Variants in N4BP2 observed in about 807,000 individuals in gnomAD.
The protein encoded by N4BP2 is NEDD4 binding protein 2, also known as NEDD4-binding protein 2.
N4BP2 carries 91 observed loss-of-function variants against 152.8 expected under a neutral mutation model. That is an observed-to-expected ratio of 0.60 (90% CI 0.50 to 0.71). The LOEUF is 0.71. Among genes scored for constraint, N4BP2 ranks in the 30% least tolerant of loss-of-function variants. N4BP2 has a pLI of 0.00. For missense variants in N4BP2, 1,923 were observed against 2,059.1 expected (o/e 0.93, Z 1.28); for synonymous variants, 646 against 705.3 (o/e 0.92, Z 1.33).
chr4:40,093,922 A>T (rs537969806), intron 2 of N4BP2, among the ~76,000 whole-genome samples: 2 of 152,068 alleles, frequency 1.3e-5, no homozygotes, highest in South Asian at 4.2e-4. Context: ...TTTAGTAGAG[A>T]TGGGGTTTTA....
At position 40,123,179 on chromosome 4, in the gene N4BP2, A is replaced by G; in HGVS notation, c.4251A>G (p.Lys1417=). ...TTCATATAGATCTGAATCTGGCGAA[A>G]GTGATTCATGAGAAATGGAAAGAAT... ...CVVHIDLNLA[K]VIHEKWKESV... The change falls in exon 10 of 18, where the codon AAA becomes AAG. Residue 1417 remains lysine, a synonymous_variant. Transcript: ENST00000261435. 6.2e-7 allele frequency: 1 copy of G among 1,612,994 alleles called. No individual in the cohort carries two copies. Among genetic ancestry groups the G allele is most frequent in the Non-Finnish European group, 8.5e-7 (1 of 1,179,136 alleles).
intron 1 of N4BP2, among the ~76,000 whole-genome samples, chr4:40,060,694 T>C (rs794030): frequency 1 from 151,710 of 151,756 alleles, 75,832 homozygotes; most frequent in Middle Eastern, 1. Context: ...CCTTGAATTC[T>C]TGGGCTCAAG....
At position 40,102,717 on chromosome 4, in the gene N4BP2, C is replaced by T. The variant is rs757089118; in HGVS notation, c.872C>T (p.Pro291Leu). The change falls in exon 4 of 18, where the codon CCT becomes CTT. Residue 291 changes from proline (P) to leucine (L), a missense_variant. Coordinates refer to ENST00000261435, the MANE Select transcript of N4BP2 (RefSeq NM_018177.6). ...CCTGTAGATTTGGATGCCAGTGAAC[C>T]TCAGGCTTGTTTAAACCTTCCAGGG... ...EAPVDLDASE[P>L]QACLNLPGLD... 1.2e-6 allele frequency: 2 copies of T among 1,614,062 alleles called. No homozygotes were observed. The highest frequency in any genetic ancestry group is 1.7e-6 in the Non-Finnish European group (2 of 1,180,040).
chr4:40,173,965 T>C, the N4BP2 span, among the ~76,000 whole-genome samples: 1 of 152,142 alleles, frequency 6.6e-6, no homozygotes, highest in Non-Finnish European at 1.5e-5. Flanking sequence ...TATTTCTAAT[T>C]ATAAAAGTAA....
In N4BP2 at chr4:40,136,978, T is replaced by G; in HGVS notation, c.4681T>G (p.Cys1561Gly). 6.2e-7 allele frequency: 1 copy of G among 1,613,344 alleles called. No individual in the cohort carries two copies. The highest frequency in any genetic ancestry group is 8.5e-7 in the Non-Finnish European group (1 of 1,179,490). ...SLEHTVQFLN[C>G]VLEGDPVKTV... ...AGAACACACAGTGCAATTTCTTAAC[T>G]GTGTTCTTGAAGGGGACCCTGTAAA... The change falls in exon 14 of 18, where the codon TGT (cysteine) becomes GGT (glycine). Residue 1561 changes from cysteine (C) to glycine (G), a missense_variant. Cys to Gly is a radical substitution (Grantham distance 159, BLOSUM62 -3). Transcript: ENST00000261435.
intron 17 of N4BP2, among the ~76,000 whole-genome samples, 155 bp from the exon 18 acceptor site, chr4:40,154,037 C>G (rs1560652380): frequency 6.6e-6 from 1 of 152,092 alleles, no homozygotes; most frequent in Non-Finnish European, 1.5e-5. Flanking sequence ...GGAACACAAA[C>G]CTAGATGTTG....
At position 40,120,387 on chromosome 4, in the gene N4BP2, G is replaced by A; in HGVS notation, c.2276G>A (p.Arg759Lys). ...TCACCTGGTGAAATAGTGGAAGAAA[G>A]AGCAACAGTAACGAAAAAAGCCTTT... The part of the protein sequence containing the change: ...KSSPGEIVEE[R>K]ATVTKKAFGK... Residue 759 changes from arginine (R) to lysine (K), a missense_variant, in exon 9 of 18, where the codon AGA (arginine) becomes AAA (lysine). By Grantham distance (26) the Arg-to-Lys change is conservative (BLOSUM62 2). Transcript: ENST00000261435. The A allele has an allele frequency of 1.2e-6, 2 of 1,613,776 alleles. No individual in the cohort carries two copies.
intron 1 of N4BP2, among the ~76,000 whole-genome samples, chr4:40,057,956 A>G (rs1733354625): frequency 6.6e-6 from 1 of 152,150 alleles, no homozygotes; most frequent in African/African-American, 2.4e-5. Context: ...TCCATGGCAC[A>G]GTTCTGGCTT....
intron 1 of N4BP2, among the ~76,000 whole-genome samples, chr4:40,063,461 T>G (rs1443712097): frequency 2.6e-5 from 4 of 152,186 alleles, no homozygotes; most frequent in African/African-American, 7.2e-5. Flanking sequence ...TTTGAAGGGA[T>G]GAAGTACTAT....
At chr4:40,144,184 C>T (rs543960302) in intron 15 of N4BP2, among the ~76,000 whole-genome samples, 63 of 152,218 alleles carry the variant, frequency 4.1e-4, no homozygotes, top group Admixed American at 1.4e-3. Flanking sequence ...TCCAGCTGCC[C>T]ACATGGTTGG....
At chr4:40,090,723 A>G (rs1160767037) in intron 2 of N4BP2, among the ~76,000 whole-genome samples, 1 of 152,124 alleles carries the variant, frequency 6.6e-6, no homozygotes, top group East Asian at 1.9e-4. Flanking sequence ...ACCTGAGGTC[A>G]GGAGTTCGAG....
intron 11 of N4BP2, among the ~76,000 whole-genome samples, chr4:40,124,943 C>A (rs1371824848): frequency 1.3e-5 from 2 of 152,166 alleles, no homozygotes; most frequent in African/African-American, 4.8e-5. Context: ...TTTGGTACAT[C>A]CTGCCAACTT....
intron 2 of N4BP2, among the ~76,000 whole-genome samples, chr4:40,077,222 G>A (rs999880414): frequency 1.3e-5 from 2 of 151,858 alleles, no homozygotes; most frequent in South Asian, 2.1e-4. Context: ...GTGCAGTGGC[G>A]TAATCTCAGC....
At chr4:40,075,145 A>G (rs1354065966) in intron 2 of N4BP2, among the ~76,000 whole-genome samples, 4 of 152,170 alleles carry the variant, frequency 2.6e-5, no homozygotes, top group Admixed American at 2.6e-4. Flanking sequence ...CGTATATATC[A>G]TGATCCATGT....
intron 1 of N4BP2, among the ~76,000 whole-genome samples, chr4:40,059,837 C>A (rs1296395677): frequency 2.0e-5 from 3 of 152,146 alleles, no homozygotes; most frequent in African/African-American, 7.2e-5. Flanking sequence ...TTAATTCTTA[C>A]AACTCTGAGA....
chr4:40,097,165 A>AT lies in N4BP2; in HGVS notation c.-114-60dup, dbSNP rs1334219617. ...TTTCTTAGAGCTAAATAAAGATGTC[A>AT]TTCCGATTTTAGAAATGGAAATATA... On this transcript the variant is annotated intron_variant, in intron 2 of 17. Transcript: ENST00000261435. 6.3e-5 allele frequency: 35 copies of AT among 552,744 alleles called. No individual in the cohort carries two copies. The Admixed American group carries it at 9.1e-4, about 14-fold the overall frequency. The allele number at this position is 552,744 out of a possible 1,614,324, so 34.2% of individuals were successfully genotyped here.
the N4BP2 span, among the ~76,000 whole-genome samples, chr4:40,185,463 A>G: frequency 6.6e-6 from 1 of 152,188 alleles, no homozygotes; most frequent in Non-Finnish European, 1.5e-5. Flanking sequence ...ATTATTGTAT[A>G]TTTAGAAGAT....
chr4:40,125,778 T>G (rs1219630715), intron 11 of N4BP2, among the ~76,000 whole-genome samples: 2 of 151,632 alleles, frequency 1.3e-5, no homozygotes, highest in Non-Finnish European at 2.9e-5. Context: ...TCCCAGCTAC[T>G]TCGGAGGCTG....
intron 2 of N4BP2, among the ~76,000 whole-genome samples, chr4:40,087,446 C>T (rs1714089075): frequency 6.6e-6 from 1 of 152,160 alleles, no homozygotes. Context: ...TCACTGCAAC[C>T]TCTACCTCCT....
Sources: gnomAD v4.1 joint callset for allele counts (sites outside exome capture counted in the v4.1 genomes callset) on GRCh38, gnomAD v4.1.1 for gene constraint, MANE v1.5 for transcripts, NCBI Gene and HGNC (gene_info 2026-07-23, HGNC 2026-07-21) for gene names.